The following ATP10B variants were observed in gnomAD, a reference collection of about 807,000 sequenced individuals.
ATP10B encodes ATPase phospholipid transporting 10B (putative).
A neutral mutation model predicts 141.2 loss-of-function variants in ATP10B; 122 were observed. The ratio of observed to expected loss-of-function variants is 0.86; its 90% CI spans 0.75 to 1.00. The LOEUF (loss-of-function observed/expected upper bound fraction) is 1.00. Among genes scored for constraint, ATP10B ranks in the 50% least tolerant of loss-of-function variants. ATP10B has a pLI of 0.00. For missense variants in ATP10B, 1,876 were observed against 1,825.3 expected, an observed-to-expected ratio of 1.03 and a Z score of -0.51; for synonymous variants, 685 against 692.0, an observed-to-expected ratio of 0.99 and a Z score of 0.16.
intron 1 of ATP10B, among the ~76,000 whole-genome samples, chr5:160,816,771 A>G (rs966706616): frequency 6.6e-6 from 1 of 152,218 alleles, no homozygotes; most frequent in African/African-American, 2.4e-5. Context: ...CTGGCAAACC[A>G]AATCCAGCAG....
At chr5:160,795,484 T>C (rs928552188) in intron 1 of ATP10B, among the ~76,000 whole-genome samples, 4 of 152,138 alleles carry the variant, frequency 2.6e-5, no homozygotes, top group Non-Finnish European at 5.9e-5. Context: ...CACTCATTTC[T>C]GAGCTCCAGG....
chr5:160,652,959 ATACATGTATAT>A, intron 7 of ATP10B, among the ~76,000 whole-genome samples: 1 of 85,940 alleles, frequency 1.2e-5, no homozygotes, highest in African/African-American at 5.8e-5. Context: ...TATATTATAT[ATACATGTATAT>A]ATAATATATA....
chr5:160,727,267 C>A (rs1766428518), intron 2 of ATP10B, among the ~76,000 whole-genome samples: 1 of 152,226 alleles, frequency 6.6e-6, no homozygotes, highest in Non-Finnish European at 1.5e-5. Context: ...AAGGGATAGG[C>A]ACCTCTATCA....
intron 2 of ATP10B, among the ~76,000 whole-genome samples, chr5:160,761,748 C>T (rs1769058904): frequency 6.6e-6 from 1 of 151,942 alleles, no homozygotes; most frequent in African/African-American, 2.4e-5. Flanking sequence ...CTCTGAATTG[C>T]CAGATAAAGA....
At chr5:160,728,423 C>T (rs1766514768) in intron 2 of ATP10B, among the ~76,000 whole-genome samples, 1 of 152,138 alleles carries the variant, frequency 6.6e-6, no homozygotes, top group Non-Finnish European at 1.5e-5. Context: ...AGCCCCAATA[C>T]AAACTCTGGA....
chr5:160,804,701 C>A (rs566230162), intron 1 of ATP10B, among the ~76,000 whole-genome samples: 1 of 152,324 alleles, frequency 6.6e-6, no homozygotes, highest in South Asian at 2.1e-4. Flanking sequence ...CAGATTCAGT[C>A]ATTTTGAGTT....
the ATP10B span, among the ~76,000 whole-genome samples, chr5:160,907,037 A>C: frequency 6.6e-6 from 1 of 152,178 alleles, no homozygotes; most frequent in African/African-American, 2.4e-5. Flanking sequence ...TTAAAAGAAC[A>C]ACCTCTTTCC....
At chr5:160,765,672 G>A (rs1348820061) in intron 2 of ATP10B, among the ~76,000 whole-genome samples, 2 of 152,004 alleles carry the variant, frequency 1.3e-5, no homozygotes, top group African/African-American at 4.8e-5. Context: ...TCATGACCAA[G>A]AATCTAAAAG....
chr5:160,724,413 G>A (rs907834556), intron 2 of ATP10B, among the ~76,000 whole-genome samples: 5 of 151,938 alleles, frequency 3.3e-5, no homozygotes, highest in African/African-American at 1.2e-4. Context: ...AGGGGCCAGT[G>A]TACCTGGCCA....
In ATP10B at chr5:160,783,751, G is replaced by A. The variant is rs935801137; in HGVS notation, c.-331+1808C>T. Among the ~76,000 whole-genome samples the A allele has an allele frequency of 2.6e-5, 4 of 151,868 alleles. No individual in the cohort carries two copies. The South Asian group carries it at 8.3e-4, about 32-fold the overall frequency. ...TTCTTTTCCTGTGGGTAGATACCTA[G>A]TAGTGGGATTGCTGGACCAAATGGT... On this transcript the variant is annotated intron_variant, in intron 2 of 25. Coordinates refer to ENST00000327245, the MANE Select transcript of ATP10B (RefSeq NM_025153.3).
intron 2 of ATP10B, among the ~76,000 whole-genome samples, chr5:160,733,980 T>C (rs1766932420): frequency 6.6e-6 from 1 of 151,072 alleles, no homozygotes; most frequent in South Asian, 2.1e-4. Context: ...CGGTGGTGCA[T>C]GCCTGTAGTC....
rs1012150491 is a variant in ATP10B at position 160,598,662 on chromosome 5, G to A, written c.3564+108C>T. On this transcript the variant is annotated intron_variant, in intron 22 of 25. Coordinates refer to ENST00000327245, the MANE Select transcript of ATP10B (RefSeq NM_025153.3). ...TAAATGATGGAACAGTGGTCAGAAT[G>A]CAGGCTTCTGACCCCAGCATACAGC... The A allele has an allele frequency of 8.6e-6, 8 of 935,464 alleles. No homozygotes were observed. The African/African-American group carries it at 1.3e-4, about 15-fold the overall frequency. 57.9% of individuals were successfully genotyped at this position (935,464 alleles called of 1,614,324 possible).
intron 1 of ATP10B, among the ~76,000 whole-genome samples, chr5:160,817,441 C>T (rs1333111278): frequency 6.6e-6 from 1 of 152,164 alleles, no homozygotes; most frequent in Middle Eastern, 3.2e-3. Flanking sequence ...ATCCAACTTA[C>T]AAGGGACATG....
intron 2 of ATP10B, among the ~76,000 whole-genome samples, chr5:160,748,744 T>A (rs1767967086): frequency 6.6e-6 from 1 of 152,252 alleles, no homozygotes; most frequent in South Asian, 2.1e-4. Flanking sequence ...CTAATTTAGA[T>A]GCTTCCTTCA....
At chr5:160,653,170 T>C (rs1331281826) in intron 7 of ATP10B, among the ~76,000 whole-genome samples, 1 of 130,850 alleles carries the variant, frequency 7.6e-6, no homozygotes, top group Non-Finnish European at 1.5e-5. Context: ...ATATATATTA[T>C]ATATACAATA....
At chr5:160,617,441 C>T (rs957161829) in intron 16 of ATP10B, among the ~76,000 whole-genome samples, 1 of 152,122 alleles carries the variant, frequency 6.6e-6, no homozygotes, top group African/African-American at 2.4e-5. Flanking sequence ...CTGATTGCTG[C>T]CATTCTAGAA....
chr5:160,687,222 C>G (rs1036321056), intron 5 of ATP10B, among the ~76,000 whole-genome samples: 1 of 152,184 alleles, frequency 6.6e-6, no homozygotes, highest in African/African-American at 2.4e-5. Context: ...AATTAAAAAA[C>G]TAATGTCTGT....
intron 13 of ATP10B, among the ~76,000 whole-genome samples, chr5:160,630,055 C>T (rs971667607): frequency 4.6e-5 from 7 of 152,196 alleles, no homozygotes; most frequent in African/African-American, 7.2e-5. Context: ...CAGTGCCCTT[C>T]CTCAAAACTA....
upstream of ATP10B, among the ~76,000 whole-genome samples, chr5:160,857,158 A>AG: frequency 6.6e-6 from 1 of 151,866 alleles, no homozygotes; most frequent in South Asian, 2.1e-4. Context: ...AACAAATTGT[A>AG]GGATTCCCCA....
Sources: gnomAD v4.1 joint callset for allele counts (sites outside exome capture counted in the v4.1 genomes callset) on GRCh38, gnomAD v4.1.1 for gene constraint, MANE v1.5 for transcripts, NCBI Gene and HGNC (gene_info 2026-07-23, HGNC 2026-07-21) for gene names.